EXT1: variants seen among roughly 807,000 people sequenced by gnomAD.
EXT1 encodes the protein exostosin glycosyltransferase 1.
A neutral mutation model predicts 82.5 loss-of-function variants in EXT1; 20 were observed. That is an observed-to-expected ratio of 0.24 (90% CI 0.17 to 0.35). The LOEUF (loss-of-function observed/expected upper bound fraction) is 0.35, where lower values mean the gene tolerates loss of function less well. Ranked by LOEUF, EXT1 falls within the 10% of genes least tolerant of loss-of-function variation. The pLI is 1.00. For synonymous variants in EXT1, 348 were observed against 350.8 expected, an observed-to-expected ratio of 0.99 and a Z score of 0.09; for missense variants, 757 against 936.5, an observed-to-expected ratio of 0.81 and a Z score of 2.50.
intron 1 of EXT1, among the ~76,000 whole-genome samples, chr8:118,048,815 C>A (rs17476770): frequency 0.013 from 2,018 of 152,284 alleles, 40 homozygotes; most frequent in African/African-American, 0.045. Context: ...AGCTCTCCTG[C>A]AAAGACATGT....
At chr8:117,861,499 T>TGAGATAGAGTC (rs1563583230) in intron 1 of EXT1, among the ~76,000 whole-genome samples, 1,568 of 116,552 alleles carry the variant, frequency 0.013, 61 homozygotes, top group Non-Finnish European at 0.02. Flanking sequence ...TTTTTTTTTT[T>TGAGATAGAGTC]TTTTTTTTTT....
chr8:117,890,275 G>A (rs1227963260), intron 1 of EXT1, among the ~76,000 whole-genome samples: 1 of 152,208 alleles, frequency 6.6e-6, no homozygotes, highest in Admixed American at 6.5e-5. Flanking sequence ...GTCAATAGTA[G>A]TGGTCCTCAA....
At chr8:117,829,932 A>C (rs976072059) in intron 4 of EXT1, among the ~76,000 whole-genome samples, 15 of 152,180 alleles carry the variant, frequency 9.9e-5, no homozygotes, top group Non-Finnish European at 2.1e-4. Flanking sequence ...CATTGAGTGT[A>C]AATGACAAGA....
rs578043185 is a variant in EXT1, at chr8:117,936,833, C to A, written c.963-99632G>T. On this transcript the variant is annotated intron_variant, in intron 1 of 10. Coordinates refer to ENST00000378204, the MANE Select transcript of EXT1 (RefSeq NM_000127.3). Reference sequence around the variant, plus strand: ...GAGGTTGCAGTGAGTTGAGATCATGCCACTGCACTCCAGCCTGGGCAACAG... The same window carrying A: ...GAGGTTGCAGTGAGTTGAGATCATGACACTGCACTCCAGCCTGGGCAACAG... Among the ~76,000 whole-genome samples the A allele has an allele frequency of 1.1e-3, 163 of 152,236 alleles. 1 individual carries two copies. The highest frequency in any genetic ancestry group is 1.5e-3 in the Non-Finnish European group (102 of 68,026).
At chr8:118,108,503 T>A (rs1817836964) in intron 1 of EXT1, among the ~76,000 whole-genome samples, 1 of 152,352 alleles carries the variant, frequency 6.6e-6, no homozygotes, top group South Asian at 2.1e-4. Context: ...CTAACCATAG[T>A]TTAAATGTCT....
At chr8:118,010,743 C>T (rs756645334) in intron 1 of EXT1, among the ~76,000 whole-genome samples, 7 of 152,194 alleles carry the variant, frequency 4.6e-5, no homozygotes, top group Non-Finnish European at 7.3e-5. Context: ...AGAGTGTGAT[C>T]GCAGGCTCTG....
chr8:117,985,988 G>A (rs1430306689), intron 1 of EXT1, among the ~76,000 whole-genome samples: 1 of 152,070 alleles, frequency 6.6e-6, no homozygotes, highest in African/African-American at 2.4e-5. Context: ...TTGGACTGGA[G>A]ATTTCTTGTT....
At chr8:117,929,421 A>T (rs867976742) in intron 1 of EXT1, among the ~76,000 whole-genome samples, 3 of 152,248 alleles carry the variant, frequency 2.0e-5, no homozygotes, top group Non-Finnish European at 4.4e-5. Flanking sequence ...GAAAGACATC[A>T]GAGACACAAC....
At chr8:117,833,239 G>T (rs1812131224) in intron 3 of EXT1, among the ~76,000 whole-genome samples, 1 of 152,254 alleles carries the variant, frequency 6.6e-6, no homozygotes, top group Non-Finnish European at 1.5e-5. Context: ...GTGGGTGGGG[G>T]TGACAAAAAT....
intron 1 of EXT1, among the ~76,000 whole-genome samples, chr8:118,007,521 A>G (rs1157201869): frequency 6.6e-6 from 1 of 152,256 alleles, no homozygotes; most frequent in East Asian, 1.9e-4. Context: ...CTTCATACCT[A>G]GGTGATATAT....
chr8:118,080,865 G>A (rs1042951334), intron 1 of EXT1, among the ~76,000 whole-genome samples: 1 of 152,064 alleles, frequency 6.6e-6, no homozygotes, highest in Admixed American at 6.6e-5. Flanking sequence ...TTCCCATTCT[G>A]GTTTCTTCAC....
chr8:118,045,797 T>C lies in EXT1; in HGVS notation c.962+64288A>G, dbSNP rs141017477. 2.8e-3 allele frequency among the ~76,000 whole-genome samples: 430 copies of C among 151,796 alleles called. 4 individuals are homozygous for C. The highest frequency in any genetic ancestry group is 0.01 in the African/African-American group (414 of 41,292). On this transcript the variant is annotated intron_variant, in intron 1 of 10. Transcript: ENST00000378204. ...CTCTGGATGGACTGGATGTCTTTTT[T>C]TTTTCTTTTCTTTTTTGAGACAGAG... is the stretch of plus-strand genomic sequence containing the variant.
intron 8 of EXT1, among the ~76,000 whole-genome samples, chr8:117,808,861 G>T (rs544382055): frequency 2.0e-5 from 3 of 152,174 alleles, no homozygotes; most frequent in African/African-American, 7.2e-5. Flanking sequence ...GCCCTCGCCA[G>T]TGCAGATGGG....
intron 1 of EXT1, among the ~76,000 whole-genome samples, chr8:117,940,012 C>A (rs1586297892): frequency 1.3e-5 from 2 of 152,192 alleles, no homozygotes; most frequent in South Asian, 4.1e-4. Context: ...CTTTTCCATC[C>A]CCTGACATGA....
intron 1 of EXT1, among the ~76,000 whole-genome samples, chr8:117,896,851 T>C (rs1182964457): frequency 2.0e-5 from 3 of 152,120 alleles, no homozygotes; most frequent in Non-Finnish European, 4.4e-5. Context: ...CTAAATTCAG[T>C]GCCCCTCAAT....
chr8:118,066,691 T>C (rs1317835130), intron 1 of EXT1, among the ~76,000 whole-genome samples: 1 of 152,156 alleles, frequency 6.6e-6, no homozygotes, highest in Non-Finnish European at 1.5e-5. Context: ...ATACAGCATA[T>C]AATATATAGA....
At chr8:117,979,018 A>T (rs1276015867) in intron 1 of EXT1, among the ~76,000 whole-genome samples, 2 of 152,124 alleles carry the variant, frequency 1.3e-5, no homozygotes, top group Non-Finnish European at 2.9e-5. Context: ...ATCAGTTTCC[A>T]GGCCATGGCC....
intron 1 of EXT1, among the ~76,000 whole-genome samples, chr8:118,029,302 T>C (rs1314273347): frequency 6.6e-6 from 1 of 152,160 alleles, no homozygotes; most frequent in Non-Finnish European, 1.5e-5. Context: ...GGTGTGCACC[T>C]GTAGTCCTAG....
Position 117,892,547 on chromosome 8 carries a change from T to G in EXT1, c.963-55346A>C, listed in dbSNP as rs373027718. On this transcript the variant is annotated intron_variant, in intron 1 of 10. Coordinates refer to ENST00000378204, the MANE Select transcript of EXT1 (RefSeq NM_000127.3). ...TCACAGTGAGGAATATGGACATTAC[T>G]GTGAGTGAGATGGAAAGCCACAGAG... 1.8e-4 allele frequency among the ~76,000 whole-genome samples: 28 copies of G among 152,316 alleles called. 3 individuals carry two copies. The highest frequency in any genetic ancestry group is 1.6e-3 in the Admixed American group (24 of 15,298).
Sources: gnomAD v4.1 joint callset for allele counts (sites outside exome capture counted in the v4.1 genomes callset) on GRCh38, gnomAD v4.1.1 for gene constraint, MANE v1.5 for transcripts, NCBI Gene and HGNC (gene_info 2026-07-23, HGNC 2026-07-21) for gene names.